The following SRGAP3 variants were observed in gnomAD, a reference collection of about 807,000 sequenced individuals.
The protein encoded by SRGAP3 is SLIT-ROBO Rho GTPase-activating protein 3.
Under a neutral mutation model 121.1 loss-of-function variants are expected in SRGAP3, and 39 were observed. That is an observed-to-expected ratio of 0.32 (90% CI 0.25 to 0.42). The LOEUF is 0.42. SRGAP3 is among the 10% of genes least tolerant of loss of function. The probability of loss-of-function intolerance (pLI) is 1.00; values close to 1 mark genes in which losing one functional copy is unlikely to be tolerated. For synonymous variants in SRGAP3, 601 were observed against 570.0 expected (o/e 1.05, Z -0.77); for missense variants, 1,213 against 1,470.6 (o/e 0.82, Z 2.86).
At chr3:9,056,843 G>T (rs1945847170) in intron 7 of SRGAP3, among the ~76,000 whole-genome samples, 1 of 152,144 alleles carries the variant, frequency 6.6e-6, no homozygotes, top group Non-Finnish European at 1.5e-5. Flanking sequence ...CTGGGCCGAG[G>T]GCTGGAGGAG....
intron 15 of SRGAP3, chr3:9,014,122 G>T: frequency 2.1e-6 from 1 of 482,266 alleles, no homozygotes; most frequent in South Asian, 2.1e-5. Flanking sequence ...TTGGACCTGG[G>T]TAGAGGGAAG....
chr3:9,216,874 AACCCT>A (rs1307406921), intron 1 of SRGAP3: 3 of 152,282 alleles, frequency 2.0e-5, no homozygotes, highest in Non-Finnish European at 4.4e-5. Context: ...AACACGGATG[AACCCT>A]GAAGCATTAC....
At chr3:9,212,179 G>A (rs890171550) in intron 1 of SRGAP3, among the ~76,000 whole-genome samples, 14 of 152,260 alleles carry the variant, frequency 9.2e-5, no homozygotes, top group African/African-American at 2.2e-4. Flanking sequence ...GTCACTTTGC[G>A]TGTGAGTTTA....
At chr3:9,356,358 ATTTTTTTTTTT>A (rs869098475) in intron 1 of SRGAP3, among the ~76,000 whole-genome samples, 59 of 39,646 alleles carry the variant, frequency 1.5e-3, no homozygotes, top group Middle Eastern at 0.048. Context: ...TGGCCAGCTA[ATTTTTTTTTTT>A]TTTTTTTTTT....
Position 8,982,793 on chromosome 3 carries a change from C to G in SRGAP3, c.*2726G>C, listed in dbSNP as rs995630290. On this transcript the variant is annotated 3_prime_UTR_variant, in exon 22 of 22. Coordinates refer to ENST00000383836, the MANE Select transcript of SRGAP3 (RefSeq NM_014850.4). ...GGATGAGTGGGGAGACGTCTGCCAT[C>G]TGTGTGTGTACATCCCTAAATGTGA... The G allele has an allele frequency of 9.1e-6, 2 of 220,482 alleles. No homozygotes were observed. The highest frequency in any genetic ancestry group is 1.3e-4 in the East Asian group (2 of 15,344). 13.7% of individuals were successfully genotyped at this position (220,482 alleles called of 1,614,324 possible).
chr3:9,052,908 G>T, intron 9 of SRGAP3, 119 bp downstream of exon 9: 2 of 1,210,566 alleles, frequency 1.7e-6, no homozygotes, highest in Non-Finnish European at 2.4e-6. Context: ...TGGTGATGGA[G>T]TCTTAGATCC....
chr3:9,166,293 A>C lies in SRGAP3; in HGVS notation c.68-41376T>G, dbSNP rs1413143712. On this transcript the variant is annotated intron_variant, in intron 1 of 21. Transcript: ENST00000383836. ...CTGTAACCCCAGTACCTAACATAGA[A>C]GTGTTCTGTGAATGTTTATTGAATG... Among the ~76,000 whole-genome samples the C allele has an allele frequency of 2.0e-5, 3 of 152,286 alleles. No individual in the cohort carries two copies. The East Asian group carries it at 5.8e-4, about 29-fold the overall frequency.
In SRGAP3 at chr3:9,215,881, C is replaced by T. The variant is rs188376499; in HGVS notation, c.67+33004G>A. ...TCTGGTTCTGAGACTTTCAGACTTA[C>T]ACTGGCCAACGCTCCTGGATTCCCT... On this transcript the variant is annotated intron_variant, in intron 1 of 21. Transcript: ENST00000383836. 2.0e-5 allele frequency among the ~76,000 whole-genome samples: 3 copies of T among 152,330 alleles called. No homozygotes were observed. The East Asian group carries it at 5.8e-4, about 29-fold the overall frequency.
chr3:9,356,602 T>A (rs1388819895), intron 1 of SRGAP3, among the ~76,000 whole-genome samples: 1 of 151,940 alleles, frequency 6.6e-6, no homozygotes, highest in African/African-American at 2.4e-5. Flanking sequence ...CTCGATCTCC[T>A]GACCTCGTGA....
intron 5 of SRGAP3, among the ~76,000 whole-genome samples, chr3:9,063,342 T>G (rs1242531526): frequency 6.6e-6 from 1 of 152,026 alleles, no homozygotes; most frequent in Non-Finnish European, 1.5e-5. Flanking sequence ...TTGCCCAACC[T>G]GGTCTCGAAC....
intron 3 of SRGAP3, among the ~76,000 whole-genome samples, chr3:9,096,942 T>C (rs1444416769): frequency 3.3e-5 from 1 of 30,028 alleles, no homozygotes; most frequent in African/African-American, 1.5e-4. Flanking sequence ...ATTTTGTATA[T>C]ATATATATAT....
At chr3:9,169,357 T>C (rs2125094352) in intron 1 of SRGAP3, among the ~76,000 whole-genome samples, 1 of 152,302 alleles carries the variant, frequency 6.6e-6, no homozygotes, top group South Asian at 2.1e-4. Context: ...TCTGTTTATG[T>C]CCAGGGTTGG....
At chr3:9,308,035 A>G (rs1955186143) in intron 3 of SRGAP3, among the ~76,000 whole-genome samples, 1 of 152,214 alleles carries the variant, frequency 6.6e-6, no homozygotes, top group African/African-American at 2.4e-5. Flanking sequence ...CATGCCTGTA[A>G]TCCCAGCTAC....
chr3:9,046,942 T>C (rs1945312510), intron 10 of SRGAP3, among the ~76,000 whole-genome samples: 1 of 152,038 alleles, frequency 6.6e-6, no homozygotes, highest in African/African-American at 2.4e-5. Flanking sequence ...GCCATTCTCC[T>C]GCCTCAGCCT....
In SRGAP3 at chr3:9,199,149, A is replaced by G. The variant is rs1574854956; in HGVS notation, c.67+49736T>C. Among the ~76,000 whole-genome samples, 5 of 152,314 alleles carry G rather than the reference A, an allele frequency of 3.3e-5. 1 individual carries two copies. Among genetic ancestry groups the G allele is most frequent in the Admixed American group, 3.3e-4 (5 of 15,294 alleles). ...AGCCTGAAAGGTTTAATCTCCAAGA[A>G]GGATGCTCAAGGGCTCCGTTATCAG... On this transcript the variant is annotated intron_variant, in intron 1 of 21. Transcript: ENST00000383836.
intron 3 of SRGAP3, chr3:9,081,244 A>G (rs1001885365): frequency 4.4e-6 from 2 of 456,546 alleles, no homozygotes; most frequent in African/African-American, 2.0e-5. Flanking sequence ...GGTCTGCCTA[A>G]TCTCATCTTA....
chr3:9,053,002 G>A (rs749060058), intron 9 of SRGAP3, 25 bp downstream of exon 9: 1 of 1,612,100 alleles, frequency 6.2e-7, no homozygotes, highest in East Asian at 2.2e-5. Flanking sequence ...CGACAGTGTG[G>A]TTCTGGGCCC....
intron 1 of SRGAP3, among the ~76,000 whole-genome samples, chr3:9,147,509 G>A (rs929535716): frequency 1.3e-5 from 2 of 152,026 alleles, no homozygotes; most frequent in African/African-American, 4.8e-5. Context: ...CGGACTAGGT[G>A]AGCCCAGACT....
intron 1 of SRGAP3, among the ~76,000 whole-genome samples, chr3:9,237,207 G>C (rs559040611): frequency 6.6e-6 from 1 of 152,264 alleles, no homozygotes; most frequent in South Asian, 2.1e-4. Flanking sequence ...TCATTCATTC[G>C]TTCAACAAAA....
Sources: allele counts gnomAD v4.1 joint callset (sites outside exome capture counted in the v4.1 genomes callset), GRCh38; gene constraint gnomAD v4.1.1; transcripts MANE v1.5; gene names NCBI Gene and HGNC (gene_info 2026-07-23, HGNC 2026-07-21).